The following CYFIP2 variants were observed in gnomAD, a reference collection of about 807,000 sequenced individuals.
The protein encoded by CYFIP2 is cytoplasmic FMR1-interacting protein 2.
Under a neutral mutation model 158.7 loss-of-function variants are expected in CYFIP2, and 29 were observed. The observed-to-expected ratio is 0.18, with a 90% CI of 0.14 to 0.25. The LOEUF is 0.25. Ranked by LOEUF, CYFIP2 falls within the 10% of genes least tolerant of loss-of-function variation. The pLI, the probability that CYFIP2 is intolerant of heterozygous loss-of-function variation, is 1.00. For synonymous variants in CYFIP2, 585 were observed against 617.6 expected, an observed-to-expected ratio of 0.95 and a Z score of 0.78; for missense variants, 852 against 1,639.5, an observed-to-expected ratio of 0.52 and a Z score of 8.29.
chr5:157,297,298 G>T (rs909141530), intron 5 of CYFIP2, among the ~76,000 whole-genome samples: 1 of 152,348 alleles, frequency 6.6e-6, no homozygotes, highest in African/African-American at 2.4e-5. Context: ...GGAAGGTGGG[G>T]TGTGGATATG....
intron 21 of CYFIP2, among the ~76,000 whole-genome samples, chr5:157,334,380 A>G (rs1030730961): frequency 5.3e-5 from 8 of 152,222 alleles, no homozygotes; most frequent in African/African-American, 1.9e-4. Context: ...GTACACCTAC[A>G]AATGGTTAAA....
intron 23 of CYFIP2, chr5:157,345,263 C>T (rs940651837): frequency 6.6e-6 from 1 of 152,306 alleles, no homozygotes; most frequent in Non-Finnish European, 1.5e-5. Context: ...AATCCTGTTT[C>T]TTGTCACGCA....
chr5:157,300,499 C>T (rs1758654090), intron 5 of CYFIP2, among the ~76,000 whole-genome samples: 1 of 149,510 alleles, frequency 6.7e-6, no homozygotes, highest in South Asian at 2.1e-4. Context: ...CGCACCGCTG[C>T]ACTCCAGCCT....
intron 19 of CYFIP2, among the ~76,000 whole-genome samples, chr5:157,330,460 C>T (rs1761369482): frequency 1.3e-5 from 2 of 152,012 alleles, no homozygotes; most frequent in African/African-American, 4.8e-5. Context: ...TGGGATACAC[C>T]AAGCAGGCAC....
intron 13 of CYFIP2, among the ~76,000 whole-genome samples, chr5:157,315,311 A>G (rs1760052220): frequency 6.7e-6 from 1 of 148,732 alleles, no homozygotes; most frequent in Admixed American, 6.6e-5. Context: ...CATCCATTCC[A>G]CTGGAAAAAA....
intron 1 of CYFIP2, among the ~76,000 whole-genome samples, chr5:157,272,584 T>C (rs996804900): frequency 6.6e-6 from 1 of 152,214 alleles, no homozygotes; most frequent in Non-Finnish European, 1.5e-5. Context: ...ATGCTTACAC[T>C]GCTGTTTCTC....
intron 19 of CYFIP2, among the ~76,000 whole-genome samples, chr5:157,330,232 G>T (rs1761336685): frequency 1.4e-5 from 2 of 146,716 alleles, no homozygotes; most frequent in African/African-American, 2.5e-5. Context: ...GTTGTGGTGA[G>T]ATTTAAAATG....
intron 26 of CYFIP2, among the ~76,000 whole-genome samples, chr5:157,370,550 A>T (rs1267777527): frequency 1.3e-5 from 2 of 152,224 alleles, no homozygotes; most frequent in Non-Finnish European, 2.9e-5. Context: ...ATTAGTAAAT[A>T]TTAGGTGCTA....
At chr5:157,274,385 A>T (rs916446824) in intron 1 of CYFIP2, among the ~76,000 whole-genome samples, 21 of 152,194 alleles carry the variant, frequency 1.4e-4, no homozygotes, top group African/African-American at 4.6e-4. Context: ...TAATATTGTC[A>T]AAGTTTATTC....
At chr5:157,371,348 T>A (rs541200492) in intron 26 of CYFIP2, among the ~76,000 whole-genome samples, 2 of 152,290 alleles carry the variant, frequency 1.3e-5, no homozygotes, top group Admixed American at 1.3e-4. Context: ...CCTTTCTCCA[T>A]ACAAAAACAT....
chr5:157,292,781 C>T (rs939635311), intron 3 of CYFIP2, among the ~76,000 whole-genome samples: 2 of 151,898 alleles, frequency 1.3e-5, no homozygotes, highest in Non-Finnish European at 2.9e-5. Context: ...ATTACTGGGT[C>T]GAATGGTAAC....
rs114738859 is a variant in CYFIP2, at chr5:157,336,878, G to A, written c.2386-2179G>A. Among the ~76,000 whole-genome samples, 241 of 152,324 alleles carry A rather than the reference G, an allele frequency of 1.6e-3. 1 individual carries two copies. Among genetic ancestry groups the A allele is most frequent in the African/African-American group, 4.4e-3 (183 of 41,560 alleles). On this transcript the variant is annotated intron_variant, in intron 21 of 30. Coordinates refer to ENST00000620254, the MANE Select transcript of CYFIP2 (RefSeq NM_001037333.3). ...GTTTCAAGGCCAGAAGAACAAATCC[G>A]AAATGTGTTGCAGAAATATCGTCTG...
At chr5:157,383,002 G>A (rs1035384231) in intron 27 of CYFIP2, among the ~76,000 whole-genome samples, 1 of 151,916 alleles carries the variant, frequency 6.6e-6, no homozygotes, top group African/African-American at 2.4e-5. Context: ...ATCTAGACTT[G>A]GAATTTAAAT....
In CYFIP2 at chr5:157,266,848, G is replaced by A. The variant is rs1021613812; in HGVS notation, c.-24+653G>A. 6.5e-6 allele frequency: 1 copy of A among 153,086 alleles called. No individual in the cohort carries two copies. Among genetic ancestry groups the A allele is most frequent in the Non-Finnish European group, 1.5e-5 (1 of 68,592 alleles). 9.5% of individuals were successfully genotyped at this position (153,086 alleles called of 1,614,324 possible). A position where few individuals can be genotyped will look rare whatever the true frequency, so the allele number is the denominator to read the frequency against. ...GGGCACGGTGGAAGTGGGGGAAGGGGATGAGTGGGCTGACTCCTGGGGGAA... is the reference window on the plus strand; with the variant it reads ...GGGCACGGTGGAAGTGGGGGAAGGGAATGAGTGGGCTGACTCCTGGGGGAA... On this transcript the variant is annotated intron_variant, in intron 1 of 30. Transcript: ENST00000620254. This position sits in a 1 kb window ranked among gnomAD's most constrained non-coding sequence, Gnocchi z 4.2.
chr5:157,270,156 A>G (rs1355024487), intron 1 of CYFIP2, among the ~76,000 whole-genome samples: 2 of 152,250 alleles, frequency 1.3e-5, no homozygotes, highest in African/African-American at 4.8e-5. Flanking sequence ...TGCCTGAGAA[A>G]GACCCAGTGA....
At position 157,315,004 on chromosome 5, in the gene CYFIP2, C is replaced by A; in HGVS notation, c.1266C>A (p.Phe422Leu). Reference sequence around the variant, plus strand: ...AGCTGGTTCATCCCACAGACAAGTTCTGCAACAAGGACTGTCCTGGCACCG... The same window carrying A: ...AGCTGGTTCATCCCACAGACAAGTTATGCAACAAGGACTGTCCTGGCACCG... Reference protein sequence around the residue: ...SWKLVHPTDKFCNKDCPGTAE... With the variant: ...SWKLVHPTDKLCNKDCPGTAE... The change falls in exon 13 of 31, where the codon TTC (phenylalanine) becomes TTA (leucine). Residue 422 changes from phenylalanine (F) to leucine (L), a missense_variant. Physicochemically the swap from Phe to Leu is conservative, Grantham distance 22. Coordinates refer to ENST00000620254, the MANE Select transcript of CYFIP2 (RefSeq NM_001037333.3). 1 of 1,594,156 alleles carries A rather than the reference C, an allele frequency of 6.3e-7. No individual in the cohort carries two copies. Among genetic ancestry groups the A allele is most frequent in the Non-Finnish European group, 8.5e-7 (1 of 1,170,168 alleles).
chr5:157,326,972 A>C (rs1279321144), intron 18 of CYFIP2, among the ~76,000 whole-genome samples: 1 of 152,248 alleles, frequency 6.6e-6, no homozygotes, highest in Non-Finnish European at 1.5e-5. Context: ...AAGGTTAATC[A>C]CATAAATATT....
chr5:157,281,838 G>A (rs1032184986), intron 1 of CYFIP2, among the ~76,000 whole-genome samples: 1 of 152,042 alleles, frequency 6.6e-6, no homozygotes, highest in Non-Finnish European at 1.5e-5. Flanking sequence ...TTTTCCATAG[G>A]TAACTAATTT....
intron 28 of CYFIP2, 142 bp downstream of exon 28, chr5:157,383,501 T>C (rs941986500): frequency 2.9e-6 from 2 of 681,686 alleles, no homozygotes; most frequent in African/African-American, 1.8e-5. Flanking sequence ...CTGGTTAATA[T>C]TAATAGCAAC....
Sources: allele counts gnomAD v4.1 joint callset (sites outside exome capture counted in the v4.1 genomes callset), GRCh38; gene constraint gnomAD v4.1.1; non-coding constraint Gnocchi (gnomAD v3.1); transcripts MANE v1.5; gene names NCBI Gene and HGNC (gene_info 2026-07-23, HGNC 2026-07-21).